FRAS1: variants seen among roughly 807,000 people sequenced by gnomAD.
The protein encoded by FRAS1 is Fraser extracellular matrix complex subunit 1, also known as extracellular matrix organizing protein FRAS1.
Under a neutral mutation model 435.2 loss-of-function variants are expected in FRAS1, and 290 were observed. That is an observed-to-expected ratio of 0.67 (90% CI 0.61 to 0.73). The LOEUF (loss-of-function observed/expected upper bound fraction) is 0.73, where lower values mean the gene tolerates loss of function less well. Ranked by LOEUF, FRAS1 falls within the 30% of genes least tolerant of loss-of-function variation. The pLI is 0.00. For missense variants in FRAS1, 4,860 were observed against 5,001.5 expected, an observed-to-expected ratio of 0.97 and a Z score of 0.85; for synonymous variants, 1,800 against 1,851.0, an observed-to-expected ratio of 0.97 and a Z score of 0.71.
Position 78,101,646 on chromosome 4 carries a change from C to A in FRAS1, c.108+35630C>A, listed in dbSNP as rs535892598. Among the ~76,000 whole-genome samples the A allele has an allele frequency of 9.9e-5, 15 of 152,216 alleles. 1 individual carries two copies. Among genetic ancestry groups the A allele is most frequent in the African/African-American group, 3.6e-4 (15 of 41,550 alleles). On this transcript the variant is annotated intron_variant, in intron 2 of 73. Coordinates refer to ENST00000512123, the MANE Select transcript of FRAS1 (RefSeq NM_025074.7). The stretch of plus-strand genomic sequence containing the variant: ...TCTCAAGGAACTGAGAATTTCCAGG[C>A]CTGATATTCTTGGACAATATTATGG...
chr4:78,488,413 T>C (rs562952523), intron 58 of FRAS1, among the ~76,000 whole-genome samples: 1 of 152,198 alleles, frequency 6.6e-6, no homozygotes, highest in South Asian at 2.1e-4. Flanking sequence ...TCCTATTGTC[T>C]CTCTGGCCCC....
At chr4:78,194,402 G>A (rs1206464162) in intron 2 of FRAS1, among the ~76,000 whole-genome samples, 1 of 152,176 alleles carries the variant, frequency 6.6e-6, no homozygotes, top group East Asian at 1.9e-4. Flanking sequence ...GTCACTTTCA[G>A]GTACACCAAT....
chr4:78,208,704 C>G (rs1723370557), intron 2 of FRAS1, among the ~76,000 whole-genome samples: 1 of 152,048 alleles, frequency 6.6e-6, no homozygotes, highest in African/African-American at 2.4e-5. Flanking sequence ...TTCAAAACTT[C>G]ATTGTTTATT....
chr4:78,148,744 G>A (rs374915780), intron 2 of FRAS1, among the ~76,000 whole-genome samples: 71 of 152,258 alleles, frequency 4.7e-4, no homozygotes, highest in African/African-American at 1.7e-3. Context: ...AACTTCTCAA[G>A]GTCTTTTGGT....
intron 2 of FRAS1, among the ~76,000 whole-genome samples, chr4:78,205,901 G>A (rs1309151372): frequency 1.3e-5 from 2 of 152,036 alleles, no homozygotes; most frequent in African/African-American, 4.8e-5. Context: ...GAGGAAGCCT[G>A]AGGAAGGAAG....
At chr4:78,309,383 T>A (rs1728925947) in intron 15 of FRAS1, among the ~76,000 whole-genome samples, 1 of 152,194 alleles carries the variant, frequency 6.6e-6, no homozygotes, top group Non-Finnish European at 1.5e-5. Flanking sequence ...TGTTGAGAGA[T>A]CGAGTTAAGA....
chr4:78,294,481 T>G (rs1357137180), intron 14 of FRAS1, among the ~76,000 whole-genome samples: 1 of 152,162 alleles, frequency 6.6e-6, no homozygotes, highest in East Asian at 1.9e-4. Flanking sequence ...TGTTGTCGAT[T>G]TAGGAATATA....
intron 2 of FRAS1, among the ~76,000 whole-genome samples, chr4:78,228,201 A>G (rs1001301602): frequency 2.6e-5 from 4 of 152,236 alleles, no homozygotes; most frequent in African/African-American, 7.2e-5. Flanking sequence ...TCCCTTAGGA[A>G]TATGAAATGA....
At chr4:78,380,162 G>T (rs1374828627) in intron 27 of FRAS1, among the ~76,000 whole-genome samples, 166 bp downstream of exon 27, 1 of 152,132 alleles carries the variant, frequency 6.6e-6, no homozygotes, top group Non-Finnish European at 1.5e-5. Context: ...TCATTTCCCT[G>T]TGATTGCTCA....
At chr4:78,511,865 G>A (rs961049675) in intron 64 of FRAS1, among the ~76,000 whole-genome samples, 3 of 152,128 alleles carry the variant, frequency 2.0e-5, no homozygotes, top group African/African-American at 7.2e-5. Flanking sequence ...CTACTGCATG[G>A]CATCTCTTCT....
At chr4:78,464,626 G>A in intron 49 of FRAS1, 43 bp downstream of exon 49, 2 of 1,606,000 alleles carry the variant, frequency 1.2e-6, no homozygotes, top group Non-Finnish European at 1.7e-6. Context: ...TAAATGAGAG[G>A]CTGACCTGGT....
intron 61 of FRAS1, among the ~76,000 whole-genome samples, chr4:78,505,662 A>G (rs1319696110): frequency 6.6e-6 from 1 of 151,902 alleles, no homozygotes; most frequent in Non-Finnish European, 1.5e-5. Flanking sequence ...CTTCTTTGTG[A>G]TGGGTTAGAA....
At chr4:78,266,808 T>C (rs774955657) in intron 7 of FRAS1, 26 bp from the exon 8 acceptor site, 6 of 1,540,266 alleles carry the variant, frequency 3.9e-6, no homozygotes, top group East Asian at 2.3e-5. Flanking sequence ...TGATTTTCCA[T>C]GTTCTTCTTT....
chr4:78,256,417 G>A (rs1048647873), intron 6 of FRAS1, among the ~76,000 whole-genome samples: 1 of 152,288 alleles, frequency 6.6e-6, no homozygotes, highest in South Asian at 2.1e-4. Flanking sequence ...TAGTGTTGAG[G>A]CATTCTGATT....
At chr4:78,370,259 A>T (rs11098159) in intron 23 of FRAS1, among the ~76,000 whole-genome samples, 25,543 of 152,190 alleles carry the variant, frequency 0.17, 2,751 homozygotes, top group East Asian at 0.33. Flanking sequence ...CAGGTTATAT[A>T]TGGCCCATAG....
At chr4:78,127,658 A>G (rs1008755022) in intron 2 of FRAS1, among the ~76,000 whole-genome samples, 3 of 95,480 alleles carry the variant, frequency 3.1e-5, no homozygotes, top group Admixed American at 2.1e-4. Flanking sequence ...CAAACAAACA[A>G]ACAACAACAA....
chr4:78,332,421 A>G (rs1020534329), intron 18 of FRAS1, among the ~76,000 whole-genome samples: 2 of 152,184 alleles, frequency 1.3e-5, no homozygotes, highest in African/African-American at 2.4e-5. Flanking sequence ...GGTCTGATGA[A>G]AGCTAGCAGA....
In FRAS1 at chr4:78,322,346, A is replaced by C. The variant is rs140359869; in HGVS notation, c.2137+3360A>C. Among the ~76,000 whole-genome samples the C allele has an allele frequency of 1.7e-3, 258 of 152,290 alleles. 2 individuals are homozygous for C. The highest frequency in any genetic ancestry group is 6.0e-3 in the African/African-American group (248 of 41,548). On this transcript the variant is annotated intron_variant, in intron 18 of 73. Transcript: ENST00000512123. The stretch of plus-strand genomic sequence containing the variant: ...CAGAAATATCTTTGCCTCTCTGCAG[A>C]ATGTTAAAAAGGTTAGATGGGTGTT...
chr4:78,167,078 T>A (rs1721361495), intron 2 of FRAS1, among the ~76,000 whole-genome samples: 1 of 152,224 alleles, frequency 6.6e-6, no homozygotes, highest in Admixed American at 6.5e-5. Context: ...ATTTGTTTCA[T>A]CAGTATAGTT....
Sources: allele counts gnomAD v4.1 joint callset (sites outside exome capture counted in the v4.1 genomes callset), GRCh38; gene constraint gnomAD v4.1.1; transcripts MANE v1.5; gene names NCBI Gene and HGNC (gene_info 2026-07-23, HGNC 2026-07-21).